The following WDR62 variants were observed in gnomAD, a reference collection of about 807,000 sequenced individuals.
The protein encoded by WDR62 is WD repeat domain 62.
A neutral mutation model predicts 160.6 loss-of-function variants in WDR62; 112 were observed. That is an observed-to-expected ratio of 0.70 (90% confidence interval 0.60 to 0.82). WDR62 has a LOEUF of 0.82. Among genes scored for constraint, WDR62 ranks in the 40% least tolerant of loss-of-function variants. The pLI is 0.00. For missense variants in WDR62, 1,819 were observed against 1,983.8 expected (o/e 0.92, Z 1.58); for synonymous variants, 792 against 815.1 (o/e 0.97, Z 0.48).
At chr19:36,083,842 A>G (rs1017911311) in intron 11 of WDR62, among the ~76,000 whole-genome samples, 2 of 152,190 alleles carry the variant, frequency 1.3e-5, no homozygotes, top group Admixed American at 1.3e-4. Flanking sequence ...CAGCCCCAGG[A>G]GAGTAGGCTA....
intron 14 of WDR62, 35 bp from the exon 15 acceptor site, chr19:36,089,150 G>A (rs200690571): frequency 9.9e-6 from 16 of 1,612,624 alleles, no homozygotes; most frequent in East Asian, 2.2e-5. Context: ...GGGGGTTGTC[G>A]GGGCATTCTC....
intron 26 of WDR62, 110 bp from the exon 27 acceptor site, chr19:36,102,627 G>A: frequency 1.1e-6 from 1 of 881,360 alleles, no homozygotes. Flanking sequence ...CGTACCCTGT[G>A]TCTGTACATA....
chr19:36,067,592 C>T, intron 6 of WDR62, 149 bp downstream of exon 6: 1 of 1,271,498 alleles, frequency 7.9e-7, no homozygotes, highest in Non-Finnish European at 1.1e-6. Flanking sequence ...TGGGCCTACT[C>T]TCAGGGTGCT....
rs141094124 is a variant in WDR62, at chr19:36,100,775, G to A, written c.2767G>A (p.Gly923Arg). 29 of 1,614,000 alleles carry A rather than the reference G, an allele frequency of 1.8e-5. No individual in the cohort carries two copies. Among genetic ancestry groups the A allele is most frequent in the South Asian group, 6.6e-5 (6 of 91,084 alleles). Residue 923 changes from glycine to arginine, a missense_variant, in exon 23 of 32, where the codon GGG (glycine) becomes AGG (arginine). Around this residue, in one of 3 missense-constraint regions of WDR62, gnomAD observed 934 missense variants for 1,157.2 expected, o/e 0.81. Transcript: ENST00000401500. ...AGAGAGTCCCCAGGAAGCTGGCCGC[G>A]GGCACCCCTCCTTCCTGCCCCAGCA... ...ESESPQEAGR[G>R]HPSFLPQQKE...
chr19:36,090,106 C>T (rs1281709012), intron 15 of WDR62, among the ~76,000 whole-genome samples: 2 of 152,128 alleles, frequency 1.3e-5, no homozygotes, highest in African/African-American at 4.8e-5. Flanking sequence ...GGAAGAGACA[C>T]CTTAGCCTGG....
rs1167386837 is a variant in WDR62, at chr19:36,062,649, C to CAAAAAAAAA, written c.332+2637_332+2645dup. On this transcript the variant is annotated intron_variant, in intron 3 of 31. Coordinates refer to ENST00000401500, the MANE Select transcript of WDR62 (RefSeq NM_001083961.2). ...TGGGTGACAGAGCAAGAGTCCGTCT[C>CAAAAAAAAA]AAAAAAAAAAAAAAAAAAAAAAAAA... 3.0e-4 allele frequency: 12 copies of CAAAAAAAAA among 39,458 alleles called. 1 individual carries two copies. The highest frequency in any genetic ancestry group is 1.4e-3 in the African/African-American group (12 of 8,502). 2.4% of individuals were successfully genotyped at this position (39,458 alleles called of 1,614,324 possible). A position where few individuals can be genotyped will look rare whatever the true frequency, so the allele number is the denominator to read the frequency against.
chr19:36,104,678 G>A lies in WDR62; in HGVS notation c.4311+3G>A. On this transcript the variant is annotated splice_donor_region_variant and intron_variant, in intron 31 of 31. Transcript: ENST00000401500. The stretch of plus-strand genomic sequence containing the variant: ...AAGCCCTCGACCTTTACCGTGTGGT[G>A]AGCTAAGCCCCAGAGTTGGGAAAGG... 6.2e-7 allele frequency: 1 copy of A among 1,614,088 alleles called. No homozygotes were observed.
chr19:36,098,410 C>G (rs1435503103), intron 21 of WDR62, among the ~76,000 whole-genome samples: 3 of 151,220 alleles, frequency 2.0e-5, no homozygotes, highest in African/African-American at 7.3e-5. Flanking sequence ...ACTAAAAATA[C>G]AAAAATTAGC....
rs775034309 is a variant in WDR62 at position 36,089,290 on chromosome 19, C to T, written c.1942C>T (p.Gln648Ter). The T allele has an allele frequency of 3.1e-6, 5 of 1,614,228 alleles. No individual in the cohort carries two copies. In the South Asian group the frequency reaches 5.5e-5, roughly 18 times the overall value. ...ITQKYVAVAC[Q>*]DRNVRVYNTV... ...CCAGAAGTACGTGGCCGTGGCCTGC[C>T]AGGACCGCAATGTGAGGTAAGGGGT... The change falls in exon 15 of 32, where the codon CAG becomes TAG. Residue 648 changes from glutamine to a stop codon, truncating the protein, a stop_gained. Transcript: ENST00000401500. LOFTEE classifies it high-confidence loss of function.
At chr19:36,110,287 A>G in the WDR62 span, among the ~76,000 whole-genome samples, 1 of 152,066 alleles carries the variant, frequency 6.6e-6, no homozygotes, top group East Asian at 1.9e-4. Context: ...CCTGGCCAAC[A>G]TGGTGAAACT....
In WDR62 at chr19:36,069,196, G is replaced by A. The variant is rs1736391442; in HGVS notation, c.882+1186G>A. ...CTGACCCCCACCTCCCTCCGGGACG[G>A]GGCGGCTGCTGGGCGGAGACGCTCC... On this transcript the variant is annotated intron_variant, in intron 7 of 31. Coordinates refer to ENST00000401500, the MANE Select transcript of WDR62 (RefSeq NM_001083961.2). Among the ~76,000 whole-genome samples, 6 of 148,614 alleles carry A rather than the reference G, an allele frequency of 4.0e-5. No individual in the cohort carries two copies. The South Asian group carries it at 1.2e-3, about 31-fold the overall frequency.
rs377395205 is a variant in WDR62 at position 36,092,930 on chromosome 19, C to T, written c.2333+119C>T. 2.0e-5 allele frequency: 29 copies of T among 1,434,190 alleles called. No individual in the cohort carries two copies. In the South Asian group the frequency reaches 2.4e-4, roughly 12 times the overall value. 88.8% of individuals were successfully genotyped at this position (1,434,190 alleles called of 1,614,324 possible). ...CTAGGCCCTGCCCTTAGCACACTCA[C>T]AGCTGAGTAGGGGAGACAGACTTTG... is the stretch of plus-strand genomic sequence containing the variant. On this transcript the variant is annotated intron_variant, in intron 19 of 31. Coordinates refer to ENST00000401500, the MANE Select transcript of WDR62 (RefSeq NM_001083961.2).
At chr19:36,107,733 T>G (rs570932629), downstream of WDR62, among the ~76,000 whole-genome samples, 3 of 152,164 alleles carry the variant, frequency 2.0e-5, no homozygotes, top group African/African-American at 7.2e-5. Flanking sequence ...GCAAGTGGGC[T>G]GGTAATCAGA....
chr19:36,103,892 G>C lies in WDR62; in HGVS notation c.4064G>C (p.Gly1355Ala). The C allele has an allele frequency of 1.3e-6, 2 of 1,599,982 alleles. No homozygotes were observed. Among genetic ancestry groups the C allele is most frequent in the East Asian group, 2.2e-5 (1 of 44,872 alleles). Residue 1355 changes from glycine (G) to alanine (A), a missense_variant, in exon 30 of 32, where the codon GGC becomes GCC. Around this residue, in one of 3 missense-constraint regions of WDR62, gnomAD observed 770 missense variants for 734.2 expected, o/e 1.05. Coordinates refer to ENST00000401500, the MANE Select transcript of WDR62 (RefSeq NM_001083961.2). ...RPSLPAPESP[G>A]LPAHPSNPQL... ...AGTCTCCCAGCTCCTGAGTCCCCTG[G>C]CCTTCCTGCCCACCCCAGTAACCCC... is the stretch of plus-strand genomic sequence containing the variant.
At chr19:36,071,183 G>A (rs544946752) in intron 7 of WDR62, 136 of 250,830 alleles carry the variant, frequency 5.4e-4, no homozygotes, top group East Asian at 1.2e-3. Flanking sequence ...CAGCCTGGGC[G>A]CAACAAAAAA....
intron 23 of WDR62, 58 bp from the exon 24 acceptor site, chr19:36,101,152 GGCTA>G: frequency 2.0e-6 from 3 of 1,476,202 alleles, no homozygotes; most frequent in Non-Finnish European, 1.9e-6. Flanking sequence ...CTCCGGGTGG[GGCTA>G]GCTGTTGAGT....
At chr19:36,110,345 C>A in the WDR62 span, among the ~76,000 whole-genome samples, 1 of 152,042 alleles carries the variant, frequency 6.6e-6, no homozygotes, top group Non-Finnish European at 1.5e-5. Flanking sequence ...GTGGTGCATG[C>A]CTGTAGTCCC....
At chr19:36,096,137 C>T (rs999522562) in intron 20 of WDR62, among the ~76,000 whole-genome samples, 3 of 152,180 alleles carry the variant, frequency 2.0e-5, no homozygotes, top group Non-Finnish European at 4.4e-5. Flanking sequence ...GTTGCCCAGG[C>T]TGGAGTTCAA....
At chr19:36,065,445 C>T (rs959537033) in intron 3 of WDR62, among the ~76,000 whole-genome samples, 4 of 152,228 alleles carry the variant, frequency 2.6e-5, no homozygotes, top group Admixed American at 1.3e-4. Flanking sequence ...CCTGTTCATT[C>T]AGTGCTTGTG....
Sources: gnomAD v4.1 joint callset for allele counts (sites outside exome capture counted in the v4.1 genomes callset) on GRCh38, gnomAD v4.1.1 for gene constraint, gnomAD v4.1.1 regional missense constraint, MANE v1.5 for transcripts, NCBI Gene and HGNC (gene_info 2026-07-23, HGNC 2026-07-21) for gene names.